VIT: variants seen among roughly 807,000 people sequenced by gnomAD.
VIT encodes the protein vitrin.
VIT carries 99 observed loss-of-function variants against 78.0 expected under a neutral mutation model. That is an observed-to-expected ratio of 1.27 (90% CI 1.08 to 1.50). The LOEUF is 1.50. Among genes scored for constraint, VIT ranks in the 40% most tolerant of loss-of-function variants. The probability of loss-of-function intolerance (pLI) is 0.00; values close to 1 mark genes in which losing one functional copy is unlikely to be tolerated. For missense variants in VIT, 1,126 were observed against 875.3 expected (o/e 1.29, Z -3.61); for synonymous variants, 374 against 334.3 (o/e 1.12, Z -1.29).
At chr2:36,705,357 C>CTAAA (rs1373300458) in intron 1 of VIT, among the ~76,000 whole-genome samples, 1 of 152,160 alleles carries the variant, frequency 6.6e-6, no homozygotes. Flanking sequence ...AATATAAGAT[C>CTAAA]TAAACTACCA....
chr2:36,733,740 C>G (rs17019641), intron 3 of VIT, among the ~76,000 whole-genome samples: 23,213 of 152,094 alleles, frequency 0.15, 2,016 homozygotes, highest in East Asian at 0.29. Context: ...GCTTACAGAT[C>G]GTTACAGAAG....
intron 6 of VIT, among the ~76,000 whole-genome samples, chr2:36,764,125 C>A (rs938245672): frequency 2.6e-4 from 40 of 152,152 alleles, no homozygotes; most frequent in Admixed American, 2.6e-3. Context: ...AAGATAATTC[C>A]GATTTTCAAT....
chr2:36,786,412 G>C (rs1360203843), intron 11 of VIT, among the ~76,000 whole-genome samples: 3 of 152,072 alleles, frequency 2.0e-5, no homozygotes, highest in Non-Finnish European at 4.4e-5. Context: ...ATGTTTGAAA[G>C]GGTGAAAAGA....
chr2:36,814,484 C>T lies in VIT; in HGVS notation c.*123C>T, dbSNP rs1199496232. ...GGGCAGGGCATGGAGAAACAAATGTCTTGTTATTATTCTTTGCCATCATGC... is the reference window on the plus strand; with the variant it reads ...GGGCAGGGCATGGAGAAACAAATGTTTTGTTATTATTCTTTGCCATCATGC... On this transcript the variant is annotated 3_prime_UTR_variant, in exon 16 of 16. Transcript: ENST00000379242. 4.2e-6 allele frequency: 5 copies of T among 1,179,948 alleles called. No individual in the cohort carries two copies. The highest frequency in any genetic ancestry group is 5.8e-6 in the Non-Finnish European group (5 of 865,082). The allele number at this position is 1,179,948 out of a possible 1,614,324, so 73.1% of individuals were successfully genotyped here.
chr2:36,703,353 CT>C (rs1200830852), intron 1 of VIT, among the ~76,000 whole-genome samples: 1 of 150,474 alleles, frequency 6.6e-6, no homozygotes, highest in Non-Finnish European at 1.5e-5. Context: ...CCCCACCCCC[CT>C]ACACCCAGCC....
At chr2:36,717,206 G>A (rs1298381396) in intron 2 of VIT, among the ~76,000 whole-genome samples, 3 of 126,046 alleles carry the variant, frequency 2.4e-5, no homozygotes, top group Non-Finnish European at 3.3e-5. Flanking sequence ...TTTTTGAGAC[G>A]GAGTCTCTGT....
At chr2:36,804,401 A>G (rs1173389517) in intron 13 of VIT, among the ~76,000 whole-genome samples, 1 of 152,194 alleles carries the variant, frequency 6.6e-6, no homozygotes. Context: ...CCTCAGGCTC[A>G]CCCCAGGCTG....
chr2:36,762,123 A>C (rs1218559493), intron 6 of VIT, among the ~76,000 whole-genome samples: 2 of 152,202 alleles, frequency 1.3e-5, no homozygotes, highest in Non-Finnish European at 2.9e-5. Context: ...CAGCAGAGAC[A>C]ATTTCTAAAA....
intron 6 of VIT, chr2:36,759,418 G>A: frequency 7.7e-7 from 1 of 1,298,168 alleles, no homozygotes; most frequent in South Asian, 1.6e-5. Context: ...ATGAAATGAA[G>A]AGAAGCAAAG....
chr2:36,765,151 G>A (rs779062369), intron 6 of VIT, among the ~76,000 whole-genome samples: 4 of 152,166 alleles, frequency 2.6e-5, no homozygotes, highest in Non-Finnish European at 5.9e-5. Flanking sequence ...TGACGGGGCG[G>A]TTATTCTGGA....
chr2:36,797,987 G>A (rs1666030343), intron 12 of VIT, among the ~76,000 whole-genome samples: 1 of 152,124 alleles, frequency 6.6e-6, no homozygotes, highest in Non-Finnish European at 1.5e-5. Flanking sequence ...GGGCTTTCCA[G>A]ATGAGGGAAG....
intron 1 of VIT, among the ~76,000 whole-genome samples, chr2:36,703,445 T>C (rs1665199418): frequency 6.6e-6 from 1 of 150,756 alleles, no homozygotes; most frequent in African/African-American, 2.4e-5. Flanking sequence ...TCTTGAGGCC[T>C]CAACCAAAAC....
intron 12 of VIT, among the ~76,000 whole-genome samples, chr2:36,796,373 C>A (rs979317200): frequency 2.6e-5 from 4 of 152,162 alleles, no homozygotes; most frequent in Non-Finnish European, 5.9e-5. Flanking sequence ...AGGAACCAAA[C>A]CTTGTATTTC....
chr2:36,738,307 C>T (rs1469017171), intron 3 of VIT, among the ~76,000 whole-genome samples: 1 of 152,158 alleles, frequency 6.6e-6, no homozygotes, highest in African/African-American at 2.4e-5. Flanking sequence ...GAGTTCAGGT[C>T]TTAGTTCTGC....
chr2:36,806,223 A>T (rs1227267071), intron 14 of VIT, among the ~76,000 whole-genome samples: 1 of 152,204 alleles, frequency 6.6e-6, no homozygotes, highest in Non-Finnish European at 1.5e-5. Flanking sequence ...GGAACACCAC[A>T]TAAAACTTCC....
intron 6 of VIT, among the ~76,000 whole-genome samples, chr2:36,765,211 G>C (rs190821999): frequency 6.6e-6 from 1 of 152,106 alleles, no homozygotes. Flanking sequence ...GTAAAAGGAA[G>C]GCAGAGGGAG....
intron 5 of VIT, 123 bp from the exon 6 acceptor site, chr2:36,758,846 G>T (rs745643714): frequency 1.2e-6 from 1 of 851,446 alleles, no homozygotes; most frequent in Non-Finnish European, 1.9e-6. Flanking sequence ...TTCAGCATGA[G>T]GGAGACTGAT....
intron 2 of VIT, among the ~76,000 whole-genome samples, chr2:36,723,351 G>T (rs1263479204): frequency 2.0e-5 from 3 of 152,032 alleles, no homozygotes; most frequent in Non-Finnish European, 4.4e-5. Context: ...TTGTTTTCTA[G>T]GTCAAAGAAT....
Position 36,805,479 on chromosome 2 carries a change from G to T in VIT, c.1204G>T (p.Ala402Ser). The T allele has an allele frequency of 3.1e-6, 5 of 1,613,648 alleles. No homozygotes were observed. The highest frequency in any genetic ancestry group is 4.2e-6 in the Non-Finnish European group (5 of 1,179,820). ...SFVTKNFFSKANGNRSGAPNV... is the reference protein window; with the variant it reads ...SFVTKNFFSKSNGNRSGAPNV... Reference sequence around the variant, plus strand: ...TGTGACCAAGAACTTCTTTTCCAAAGCCAATGGAAACAGAAGCGGGGCTCC... The same window carrying T: ...TGTGACCAAGAACTTCTTTTCCAAATCCAATGGAAACAGAAGCGGGGCTCC... Residue 402 changes from alanine to serine, a missense_variant, in exon 14 of 16, where the codon GCC becomes TCC. By Grantham distance (99) the Ala-to-Ser change is moderately conservative. Transcript: ENST00000379242.
Sources: gnomAD v4.1 joint callset for allele counts (sites outside exome capture counted in the v4.1 genomes callset) on GRCh38, gnomAD v4.1.1 for gene constraint, MANE v1.5 for transcripts, NCBI Gene and HGNC (gene_info 2026-07-23, HGNC 2026-07-21) for gene names.